Variants in RANBP2 observed in about 807,000 individuals in gnomAD.
The protein encoded by RANBP2 is RAN binding protein 2.
RANBP2 carries 57 observed loss-of-function variants against 303.6 expected under a neutral mutation model. The ratio of observed to expected loss-of-function variants is 0.19; its 90% CI spans 0.15 to 0.23. RANBP2 has a LOEUF of 0.23. Ranked by LOEUF, RANBP2 falls within the 10% of genes least tolerant of loss-of-function variation. The pLI is 1.00. For synonymous variants in RANBP2, 1,167 were observed against 1,301.5 expected (o/e 0.90, Z 2.23); for missense variants, 3,138 against 3,780.8 (o/e 0.83, Z 4.46).
chr2:109,610,576 C>T, the RANBP2 span, among the ~76,000 whole-genome samples: 629 of 152,136 alleles, frequency 4.1e-3, 6 homozygotes, highest in African/African-American at 0.014. Flanking sequence ...ATTAGCCGGG[C>T]GTGGTGGCAC....
the RANBP2 span, among the ~76,000 whole-genome samples, chr2:108,879,140 T>C: frequency 6.6e-6 from 1 of 152,224 alleles, no homozygotes; most frequent in Non-Finnish European, 1.5e-5. Flanking sequence ...TTTATTTATT[T>C]ATTTAATTTT....
the RANBP2 span, among the ~76,000 whole-genome samples, chr2:109,075,446 G>C: frequency 2.0e-5 from 3 of 150,254 alleles, no homozygotes; most frequent in Non-Finnish European, 4.5e-5. Context: ...GGCTGGTCTC[G>C]AACTGCTGAC....
the RANBP2 span, among the ~76,000 whole-genome samples, chr2:108,861,284 T>C: frequency 6.6e-6 from 1 of 151,980 alleles, no homozygotes; most frequent in Non-Finnish European, 1.5e-5. Flanking sequence ...AAACACTTTT[T>C]CATTTCGTCG....
At chr2:109,278,435 T>C in the RANBP2 span, among the ~76,000 whole-genome samples, 114,208 of 152,122 alleles carry the variant, frequency 0.75, 43,901 homozygotes, top group African/African-American at 0.92. Flanking sequence ...GTGTTCAGTG[T>C]TGTCTGTTCA....
chr2:109,242,382 C>A, the RANBP2 span, among the ~76,000 whole-genome samples: 5 of 152,186 alleles, frequency 3.3e-5, no homozygotes, highest in Admixed American at 3.3e-4. Context: ...CTGTCTGTGT[C>A]GTGCCTCGTT....
chr2:109,338,621 G>A, the RANBP2 span, among the ~76,000 whole-genome samples: 3 of 152,132 alleles, frequency 2.0e-5, no homozygotes, highest in African/African-American at 4.8e-5. Context: ...GCAGTGGTAC[G>A]ATCTTGGCTC....
the RANBP2 span, among the ~76,000 whole-genome samples, chr2:109,444,331 C>T: frequency 6.6e-6 from 1 of 152,196 alleles, no homozygotes; most frequent in African/African-American, 2.4e-5. Flanking sequence ...AAAGTCAACT[C>T]TGTGGGTCTA....
the RANBP2 span, among the ~76,000 whole-genome samples, chr2:109,358,773 A>G: frequency 6.6e-6 from 1 of 152,158 alleles, no homozygotes; most frequent in African/African-American, 2.4e-5. Flanking sequence ...GCAGAGTACA[A>G]ATTACTAATT....
At chr2:109,682,844 C>G in the RANBP2 span, among the ~76,000 whole-genome samples, 1 of 152,146 alleles carries the variant, frequency 6.6e-6, no homozygotes, top group African/African-American at 2.4e-5. Context: ...TGTCAACAAG[C>G]CTGGACATTT....
At chr2:109,735,478 A>C in the RANBP2 span, among the ~76,000 whole-genome samples, 2 of 147,226 alleles carry the variant, frequency 1.4e-5, no homozygotes, top group Non-Finnish European at 3.0e-5. Flanking sequence ...AGTAATGCAG[A>C]TCTCTCTCTC....
chr2:108,782,555 C>T lies in RANBP2; in HGVS notation c.9062C>T (p.Ala3021Val). Reference protein sequence around the residue: ...ADGEAKVEQLAVRFKTKEVAD... With the variant: ...ADGEAKVEQLVVRFKTKEVAD... ...GGAGAAGCAAAAGTAGAACAGCTTG[C>T]AGTGAGATTTAAAACTAAAGAAGTA... Residue 3021 changes from alanine to valine, a missense_variant, in exon 28 of 29, where the codon GCA (alanine) becomes GTA (valine). Transcript: ENST00000283195. 6.2e-7 allele frequency: 1 copy of T among 1,614,154 alleles called. No individual in the cohort carries two copies. The highest frequency in any genetic ancestry group is 8.5e-7 in the Non-Finnish European group (1 of 1,180,024).
chr2:109,722,413 A>C, the RANBP2 span, among the ~76,000 whole-genome samples: 1 of 152,152 alleles, frequency 6.6e-6, no homozygotes, highest in African/African-American at 2.4e-5. Context: ...AGTGTTTGTC[A>C]AACCCTCTCC....
the RANBP2 span, among the ~76,000 whole-genome samples, chr2:109,508,863 TG>T: frequency 6.6e-6 from 1 of 152,080 alleles, no homozygotes; most frequent in Non-Finnish European, 1.5e-5. Flanking sequence ...GCAAGCCGTG[TG>T]GGTAGTCATG....
chr2:109,517,604 C>T, the RANBP2 span, among the ~76,000 whole-genome samples: 2 of 152,230 alleles, frequency 1.3e-5, no homozygotes, highest in African/African-American at 2.4e-5. Context: ...ATGGCCCCTT[C>T]ACAGCTCAGC....
the RANBP2 span, among the ~76,000 whole-genome samples, chr2:109,210,974 G>A: frequency 2.0e-5 from 3 of 152,192 alleles, no homozygotes; most frequent in Non-Finnish European, 2.9e-5. Flanking sequence ...GGGGATGGAT[G>A]GGGTGCACAC....
the RANBP2 span, among the ~76,000 whole-genome samples, chr2:109,516,125 AGC>A: frequency 6.6e-6 from 1 of 152,228 alleles, no homozygotes; most frequent in Non-Finnish European, 1.5e-5. Context: ...GCATGGGAGC[AGC>A]CTATGAGTCC....
chr2:109,129,917 G>A, the RANBP2 span: 5 of 1,501,528 alleles, frequency 3.3e-6, 1 homozygote, highest in Middle Eastern at 2.3e-4. Context: ...CAGCGGCCCC[G>A]CGCGGGCACC....
chr2:109,546,368 G>C, the RANBP2 span: 3 of 506,358 alleles, frequency 5.9e-6, no homozygotes, highest in South Asian at 1.3e-4. Context: ...TCTTTCTGAA[G>C]TCTCAGAAGT....
At chr2:109,239,498 C>G in the RANBP2 span, among the ~76,000 whole-genome samples, 1 of 152,158 alleles carries the variant, frequency 6.6e-6, no homozygotes, top group Non-Finnish European at 1.5e-5. Flanking sequence ...CTACAATATT[C>G]TGAAGTGATT....
Sources: gnomAD v4.1 joint callset for allele counts (sites outside exome capture counted in the v4.1 genomes callset) on GRCh38, gnomAD v4.1.1 for gene constraint, MANE v1.5 for transcripts, NCBI Gene and HGNC (gene_info 2026-07-23, HGNC 2026-07-21) for gene names.